USP10: variants seen among roughly 807,000 people sequenced by gnomAD.
The protein encoded by USP10 is ubiquitin carboxyl-terminal hydrolase 10.
In USP10, 22 loss-of-function variants were observed where a neutral mutation model predicts 84.5. The observed-to-expected ratio is 0.26, with a 90% CI of 0.19 to 0.37. The LOEUF is 0.37. USP10 is among the 10% of genes least tolerant of loss of function. The pLI is 1.00. For missense variants in USP10, 1,019 were observed against 998.9 expected, an observed-to-expected ratio of 1.02 and a Z score of -0.27; for synonymous variants, 454 against 387.6, an observed-to-expected ratio of 1.17 and a Z score of -2.01.
At chr16:84,718,520 A>C (rs1776217933) in intron 1 of USP10, among the ~76,000 whole-genome samples, 1 of 152,138 alleles carries the variant, frequency 6.6e-6, no homozygotes, top group South Asian at 2.1e-4. Flanking sequence ...GCACTTTGGG[A>C]GGCCAAGGCG....
At chr16:84,722,353 G>A (rs771805162) in intron 1 of USP10, among the ~76,000 whole-genome samples, 1 of 152,124 alleles carries the variant, frequency 6.6e-6, no homozygotes. Flanking sequence ...AGACATTTTT[G>A]TTGTTCCCAC....
chr16:84,721,133 C>T (rs1188557901), intron 1 of USP10, among the ~76,000 whole-genome samples: 1 of 152,056 alleles, frequency 6.6e-6, no homozygotes, highest in African/African-American at 2.4e-5. Flanking sequence ...CTCAGGTGAT[C>T]CACCTGCCTG....
chr16:84,770,493 C>A (rs1914316387), intron 11 of USP10, among the ~76,000 whole-genome samples: 1 of 152,152 alleles, frequency 6.6e-6, no homozygotes, highest in South Asian at 2.1e-4. Context: ...CCTCAGTTGG[C>A]TGGGCGAGGT....
chr16:84,719,113 G>A (rs1907452091), intron 1 of USP10, among the ~76,000 whole-genome samples: 1 of 152,098 alleles, frequency 6.6e-6, no homozygotes, highest in Non-Finnish European at 1.5e-5. Flanking sequence ...TGTTGTTGTT[G>A]TTGTTTTTGC....
intron 2 of USP10, among the ~76,000 whole-genome samples, chr16:84,736,848 G>A (rs553579873): frequency 2.0e-5 from 3 of 152,324 alleles, no homozygotes; most frequent in East Asian, 3.9e-4. Context: ...GACTGCAGGG[G>A]CGTGATCTCG....
chr16:84,714,177 A>T (rs1467084197), intron 1 of USP10, among the ~76,000 whole-genome samples: 7 of 151,276 alleles, frequency 4.6e-5, no homozygotes, highest in African/African-American at 1.7e-4. Context: ...GGGCTTGAAC[A>T]GTGCCTAGAG....
intron 2 of USP10, 127 bp downstream of exon 2, chr16:84,733,630 A>G: frequency 1.7e-6 from 1 of 605,914 alleles, no homozygotes; most frequent in East Asian, 3.3e-5. Context: ...AATATGAGAA[A>G]TGCCTCAACC....
rs562042752 is a variant in USP10 at position 84,760,159 on chromosome 16, C to G, written c.1451-13C>G. On this transcript the variant is annotated splice_polypyrimidine_tract_variant and intron_variant, in intron 7 of 13. Transcript: ENST00000219473. ...TTGTAGTTAGGAAAACCTGTGTCCTCTTTCCATTGCAGCTCTTGGAGATAA... is the reference window on the plus strand; with the variant it reads ...TTGTAGTTAGGAAAACCTGTGTCCTGTTTCCATTGCAGCTCTTGGAGATAA... The G allele has an allele frequency of 1.3e-6, 2 of 1,595,152 alleles. No homozygotes were observed. Among genetic ancestry groups the G allele is most frequent in the Admixed American group, 1.8e-5 (1 of 56,710 alleles).
chr16:84,713,257 T>C (rs1906542138), intron 1 of USP10, among the ~76,000 whole-genome samples: 1 of 152,300 alleles, frequency 6.6e-6, no homozygotes, highest in East Asian at 1.9e-4. Flanking sequence ...GGGGAACACA[T>C]TGTCTGTCCC....
At position 84,752,954 on chromosome 16, in the gene USP10, A is replaced by AT. The variant is rs1912104518; in HGVS notation, c.1193-5756dup. On this transcript the variant is annotated intron_variant, in intron 4 of 13. Coordinates refer to ENST00000219473, the MANE Select transcript of USP10 (RefSeq NM_005153.3). ...ATCATTCCTCTTAAAATGGAGCTTTATTTTTTAAAAACGTATTTTTTTTTT... is the reference window on the plus strand; with the variant it reads ...ATCATTCCTCTTAAAATGGAGCTTTATTTTTTTAAAAACGTATTTTTTTTTT... 2.0e-5 allele frequency among the ~76,000 whole-genome samples: 3 copies of AT among 151,976 alleles called. No individual in the cohort carries two copies. In the South Asian group the frequency reaches 6.2e-4, roughly 32 times the overall value.
intron 4 of USP10, among the ~76,000 whole-genome samples, chr16:84,750,398 CTG>C (rs1911781439): frequency 8.0e-6 from 1 of 125,396 alleles, no homozygotes; most frequent in African/African-American, 3.0e-5. Flanking sequence ...CAGAGTGAGA[CTG>C]TCTCAAAAAA....
At chr16:84,762,378 T>C (rs1392200426) in intron 8 of USP10, among the ~76,000 whole-genome samples, 1 of 152,186 alleles carries the variant, frequency 6.6e-6, no homozygotes, top group Non-Finnish European at 1.5e-5. Context: ...AAACTTTTTT[T>C]TAAATAACTT....
chr16:84,777,611 C>G (rs1050109495), intron 13 of USP10, among the ~76,000 whole-genome samples: 1 of 152,340 alleles, frequency 6.6e-6, no homozygotes, highest in East Asian at 1.9e-4. Flanking sequence ...TCCGGGGTCC[C>G]TGCACAGAGG....
At position 84,706,172 on chromosome 16, in the gene USP10, C is replaced by A. The variant is rs143879054; in HGVS notation, c.21+6061C>A. ...TACTGGGATTACAGGTGTGAGCCAC[C>A]GCGCCTAGCCTCCCTATTCATTCTG... On this transcript the variant is annotated intron_variant, in intron 1 of 13. Transcript: ENST00000219473. Among the ~76,000 whole-genome samples, 5 of 152,222 alleles carry A rather than the reference C, an allele frequency of 3.3e-5. No individual in the cohort carries two copies. The East Asian group carries it at 9.6e-4, about 29-fold the overall frequency.
chr16:84,747,045 G>A (rs1265921723), intron 4 of USP10, among the ~76,000 whole-genome samples: 1 of 152,214 alleles, frequency 6.6e-6, no homozygotes, highest in African/African-American at 2.4e-5. Context: ...CCACTAGGCG[G>A]CAGGACGTTT....
chr16:84,764,629 G>A (rs763895974), intron 10 of USP10, among the ~76,000 whole-genome samples: 6 of 152,070 alleles, frequency 3.9e-5, no homozygotes, highest in Non-Finnish European at 7.4e-5. Context: ...TTAGAAGTTC[G>A]AGATCAACCT....
chr16:84,778,418 AT>A (rs1363614265), intron 13 of USP10, among the ~76,000 whole-genome samples: 1 of 152,166 alleles, frequency 6.6e-6, no homozygotes, highest in African/African-American at 2.4e-5. Context: ...TTTTAATATA[AT>A]TTACTCATCA....
intron 4 of USP10, among the ~76,000 whole-genome samples, chr16:84,746,292 C>A (rs552448045): frequency 4.6e-5 from 7 of 152,126 alleles, no homozygotes; most frequent in South Asian, 2.1e-4. Flanking sequence ...TAAAAAGTTA[C>A]AGTAGGAAGT....
At chr16:84,712,096 A>T (rs1367025362) in intron 1 of USP10, among the ~76,000 whole-genome samples, 1 of 152,176 alleles carries the variant, frequency 6.6e-6, no homozygotes, top group Non-Finnish European at 1.5e-5. Context: ...GTGGAAACAT[A>T]GACTTAAGTT....
Sources: allele counts gnomAD v4.1 joint callset (sites outside exome capture counted in the v4.1 genomes callset), GRCh38; gene constraint gnomAD v4.1.1; transcripts MANE v1.5; gene names NCBI Gene and HGNC (gene_info 2026-07-23, HGNC 2026-07-21).